The following SBF2 variants were observed in gnomAD, a reference collection of about 807,000 sequenced individuals.
The protein encoded by SBF2 is SET binding factor 2.
Under a neutral mutation model 225.2 loss-of-function variants are expected in SBF2, and 112 were observed. The observed-to-expected ratio is 0.50, with a 90% CI of 0.43 to 0.58. SBF2 has a LOEUF of 0.58. Among genes scored for constraint, SBF2 ranks in the 20% least tolerant of loss-of-function variants. The pLI is 0.00. For synonymous variants in SBF2, 763 were observed against 773.3 expected, an observed-to-expected ratio of 0.99 and a Z score of 0.22; for missense variants, 1,996 against 2,206.2, an observed-to-expected ratio of 0.90 and a Z score of 1.91.
chr11:9,890,791 A>T lies in SBF2; in HGVS notation c.1929+5152T>A, dbSNP rs529531948. Among the ~76,000 whole-genome samples, 17 of 152,318 alleles carry T rather than the reference A, an allele frequency of 1.1e-4. 1 individual carries two copies. Among genetic ancestry groups the T allele is most frequent in the Admixed American group, 1.1e-3 (17 of 15,294 alleles). ...TGGAATACCCTGGTTATTAAGAACCACAACAGGGTGACCCTGAGGTGCATG... is the reference window on the plus strand; with the variant it reads ...TGGAATACCCTGGTTATTAAGAACCTCAACAGGGTGACCCTGAGGTGCATG... On this transcript the variant is annotated intron_variant, in intron 17 of 39. Transcript: ENST00000256190.
In SBF2 at chr11:10,254,900, C is replaced by CAAAAAAAAAAAAAAAAAAA. The variant is rs71034757; in HGVS notation, c.55+39096_55+39114dup. ...TGGGTGACAGAGTGAGACTCTGTCT[C>CAAAAAAAAAAAAAAAAAAA]AAAAAAAAAAAAAAAAAAAAAAAAA... On this transcript the variant is annotated intron_variant, in intron 1 of 39. Coordinates refer to ENST00000256190, the MANE Select transcript of SBF2 (RefSeq NM_030962.4). Among the ~76,000 whole-genome samples, 27 of 44,074 alleles carry CAAAAAAAAAAAAAAAAAAA rather than the reference C, an allele frequency of 6.1e-4. 1 individual carries two copies. Among genetic ancestry groups the CAAAAAAAAAAAAAAAAAAA allele is most frequent in the Non-Finnish European group, 7.9e-4 (21 of 26,492 alleles). 28.9% of individuals were successfully genotyped at this position (44,074 alleles called of 152,430 possible).
At chr11:9,849,369 T>C (rs917064692) in intron 22 of SBF2, among the ~76,000 whole-genome samples, 3 of 152,228 alleles carry the variant, frequency 2.0e-5, no homozygotes, top group Non-Finnish European at 4.4e-5. Flanking sequence ...CTTAATTATG[T>C]GCTTTTCCTA....
At chr11:9,807,773 T>C in intron 32 of SBF2, 1 of 580,148 alleles carries the variant, frequency 1.7e-6, no homozygotes, top group African/African-American at 1.9e-5. Context: ...CTACTTCACT[T>C]GGGGCAAGCC....
chr11:10,170,047 C>T (rs1031680638), intron 2 of SBF2, among the ~76,000 whole-genome samples: 3 of 151,726 alleles, frequency 2.0e-5, no homozygotes, highest in African/African-American at 7.2e-5. Flanking sequence ...TTTTTCACTA[C>T]ACAGTTGTTT....
At chr11:10,273,166 T>C (rs1367966780) in intron 1 of SBF2, among the ~76,000 whole-genome samples, 1 of 152,228 alleles carries the variant, frequency 6.6e-6, no homozygotes, top group Admixed American at 6.5e-5. Flanking sequence ...TTTTTAGTTT[T>C]TGAATTATTT....
At chr11:10,131,208 C>A (rs1954033464) in intron 2 of SBF2, among the ~76,000 whole-genome samples, 2 of 151,394 alleles carry the variant, frequency 1.3e-5, no homozygotes. Flanking sequence ...TCCTTGCCCA[C>A]ATTTAATATT....
intron 2 of SBF2, among the ~76,000 whole-genome samples, chr11:10,175,603 C>T (rs1001410631): frequency 1.1e-4 from 16 of 151,084 alleles, no homozygotes; most frequent in South Asian, 4.2e-4. Context: ...GACAGATCAA[C>T]GAGACAGAAA....
intron 6 of SBF2, among the ~76,000 whole-genome samples, chr11:10,007,484 C>T (rs1480992013): frequency 6.6e-6 from 1 of 152,170 alleles, no homozygotes; most frequent in African/African-American, 2.4e-5. Flanking sequence ...GATCTATCAA[C>T]TAGATTTACT....
intron 1 of SBF2, among the ~76,000 whole-genome samples, chr11:10,204,589 C>T (rs1212122917): frequency 2.0e-5 from 3 of 150,336 alleles, no homozygotes; most frequent in Non-Finnish European, 4.4e-5. Context: ...ACCCAGGAGG[C>T]GGAGGTTGCA....
chr11:9,842,182 T>C (rs976048131), intron 25 of SBF2, among the ~76,000 whole-genome samples: 4 of 152,208 alleles, frequency 2.6e-5, no homozygotes, highest in African/African-American at 9.7e-5. Context: ...TCTTATGACC[T>C]AAGTATTCCT....
intron 1 of SBF2, among the ~76,000 whole-genome samples, chr11:10,267,102 T>C: frequency 6.6e-6 from 1 of 151,430 alleles, no homozygotes; most frequent in Non-Finnish European, 1.5e-5. Flanking sequence ...AAAAATAAAT[T>C]AAATTAAATT....
At chr11:9,955,259 T>G (rs565294594) in intron 16 of SBF2, among the ~76,000 whole-genome samples, 1 of 152,078 alleles carries the variant, frequency 6.6e-6, no homozygotes, top group East Asian at 1.9e-4. Context: ...CTTATCAGGA[T>G]AATCGTAACA....
chr11:10,128,408 A>G (rs1344275041), intron 2 of SBF2, among the ~76,000 whole-genome samples: 1 of 152,248 alleles, frequency 6.6e-6, no homozygotes, highest in African/African-American at 2.4e-5. Context: ...AGATGCTTAC[A>G]TTACTAACAA....
chr11:9,782,046 C>T (rs565703967), intron 38 of SBF2, among the ~76,000 whole-genome samples: 2 of 151,904 alleles, frequency 1.3e-5, no homozygotes, highest in South Asian at 2.1e-4. Flanking sequence ...ATCAGCCAAT[C>T]GTGGTGGTGC....
chr11:10,196,860 A>ATTTTTTTTT (rs1288978130), intron 1 of SBF2, among the ~76,000 whole-genome samples: 2 of 13,646 alleles, frequency 1.5e-4, no homozygotes, highest in Non-Finnish European at 6.3e-4. Context: ...ATATATATAT[A>ATTTTTTTTT]TATATATTTT....
intron 17 of SBF2, among the ~76,000 whole-genome samples, chr11:9,875,677 T>C (rs1265036675): frequency 6.6e-6 from 1 of 152,220 alleles, no homozygotes; most frequent in Non-Finnish European, 1.5e-5. Flanking sequence ...ATCTTCTCTA[T>C]TTGCCTGGTC....
intron 16 of SBF2, among the ~76,000 whole-genome samples, chr11:9,896,565 G>T (rs1384741704): frequency 6.6e-6 from 1 of 152,194 alleles, no homozygotes; most frequent in Non-Finnish European, 1.5e-5. Flanking sequence ...GCTGAGGCGG[G>T]CAGATCACCT....
chr11:10,021,147 G>A (rs778355097), intron 6 of SBF2, among the ~76,000 whole-genome samples: 62 of 152,314 alleles, frequency 4.1e-4, no homozygotes, highest in African/African-American at 1.3e-3. Flanking sequence ...GCCTATTAAA[G>A]AGTATACTGT....
intron 2 of SBF2, among the ~76,000 whole-genome samples, chr11:10,184,401 A>G (rs1956853424): frequency 6.6e-6 from 1 of 152,068 alleles, no homozygotes; most frequent in African/African-American, 2.4e-5. Flanking sequence ...TGCCTTAGAG[A>G]TTTATTCATT....
Sources: allele counts gnomAD v4.1 joint callset (sites outside exome capture counted in the v4.1 genomes callset), GRCh38; gene constraint gnomAD v4.1.1; transcripts MANE v1.5; gene names NCBI Gene and HGNC (gene_info 2026-07-23, HGNC 2026-07-21).